Variants in MYO16 observed in about 807,000 individuals in gnomAD.
MYO16 encodes unconventional myosin-XVI.
Under a neutral mutation model 205.3 loss-of-function variants are expected in MYO16, and 94 were observed. That is an observed-to-expected ratio of 0.46 (90% CI 0.39 to 0.54). The LOEUF (loss-of-function observed/expected upper bound fraction) is 0.54. Ranked by LOEUF, MYO16 falls within the 20% of genes least tolerant of loss-of-function variation. The pLI, the probability that MYO16 is intolerant of heterozygous loss-of-function variation, is 0.00. For missense variants in MYO16, 2,315 were observed against 2,387.5 expected (o/e 0.97, Z 0.63); for synonymous variants, 988 against 954.0 (o/e 1.04, Z -0.66).
intron 28 of MYO16, among the ~76,000 whole-genome samples, chr13:109,102,695 T>C (rs1459645455): frequency 6.6e-6 from 1 of 152,078 alleles, no homozygotes; most frequent in South Asian, 2.1e-4. Context: ...AGGTCAAATA[T>C]GAGAGGAGAC....
intron 2 of MYO16, among the ~76,000 whole-genome samples, chr13:108,671,980 G>C (rs551427802): frequency 9.2e-5 from 14 of 152,178 alleles, no homozygotes; most frequent in African/African-American, 1.9e-4. Context: ...CTGTAATAGG[G>C]CATATTTATT....
chr13:108,828,794 A>T (rs1436680463), intron 9 of MYO16, among the ~76,000 whole-genome samples: 1 of 152,172 alleles, frequency 6.6e-6, no homozygotes, highest in Non-Finnish European at 1.5e-5. Flanking sequence ...AACTGTGGAC[A>T]TTGAAGCTCC....
the MYO16 span, among the ~76,000 whole-genome samples, chr13:108,520,508 C>T: frequency 1.3e-5 from 2 of 152,156 alleles, no homozygotes; most frequent in Non-Finnish European, 2.9e-5. Flanking sequence ...CAAATAACTA[C>T]TCATTTGGGG....
At chr13:109,108,940 G>A (rs530585561) in intron 28 of MYO16, among the ~76,000 whole-genome samples, 34 of 152,308 alleles carry the variant, frequency 2.2e-4, no homozygotes, top group African/African-American at 8.2e-4. Flanking sequence ...ACGGGAGACA[G>A]GGATGCTACA....
rs59465499 is a variant in MYO16 at position 109,154,911 on chromosome 13, GAAAAAAAAAA to G, written c.5165-9973_5165-9964del. On this transcript the variant is annotated intron_variant, in intron 32 of 34. Transcript: ENST00000457511. Reference sequence around the variant, plus strand: ...AGGTATTGCATACTCGGCTAATTATGAAAAAAAAAAAAAAAAAAAAAAAAAAGCTACCCAA... The same window carrying G: ...AGGTATTGCATACTCGGCTAATTATGAAAAAAAAAAAAAAAAGCTACCCAA... Among the ~76,000 whole-genome samples, 18 of 62,684 alleles carry G rather than the reference GAAAAAAAAAA, an allele frequency of 2.9e-4. 1 individual carries two copies. The highest frequency in any genetic ancestry group is 7.6e-4 in the South Asian group (1 of 1,320). The allele number at this position is 62,684 out of a possible 152,430, so 41.1% of individuals were successfully genotyped here.
At chr13:108,610,364 T>A (rs1221875877) in intron 1 of MYO16, among the ~76,000 whole-genome samples, 1 of 152,196 alleles carries the variant, frequency 6.6e-6, no homozygotes, top group Non-Finnish European at 1.5e-5. Context: ...GGCTCTTTTT[T>A]AATGATTACG....
chr13:109,085,977 G>T (rs1403307910), intron 27 of MYO16, among the ~76,000 whole-genome samples: 1 of 152,094 alleles, frequency 6.6e-6, no homozygotes, highest in African/African-American at 2.4e-5. Context: ...AAAGTGGGGT[G>T]CCCAAAACTC....
chr13:108,548,365 G>A, the MYO16 span, among the ~76,000 whole-genome samples: 277 of 151,590 alleles, frequency 1.8e-3, no homozygotes, highest in African/African-American at 6.6e-3. Context: ...CGATGATGAT[G>A]GTGGTAGCAG....
intron 6 of MYO16, among the ~76,000 whole-genome samples, chr13:108,805,088 C>T (rs1443275639): frequency 6.6e-6 from 1 of 152,140 alleles, no homozygotes; most frequent in Non-Finnish European, 1.5e-5. Context: ...CACAGAGTAA[C>T]TGCCAATCAT....
At chr13:108,751,309 T>A (rs1015902750) in intron 4 of MYO16, among the ~76,000 whole-genome samples, 3 of 148,056 alleles carry the variant, frequency 2.0e-5, no homozygotes, top group African/African-American at 4.9e-5. Context: ...TGGGAGGTGA[T>A]TTTTTTTTAA....
chr13:108,510,478 T>TTTC, the MYO16 span, among the ~76,000 whole-genome samples: 2 of 133,472 alleles, frequency 1.5e-5, no homozygotes, highest in African/African-American at 5.8e-5. Flanking sequence ...TTTTTTTTTT[T>TTTC]TTTTTTTATT....
rs527255710 is a variant in MYO16 at position 109,198,404 on chromosome 13, C to A, written c.5416-8205C>A. Reference sequence around the variant, plus strand: ...TCTCTTCATACTCTTTGTTATCTTACCCCTAAAATTCAAAAAAGCTGTAAG... The same window carrying A: ...TCTCTTCATACTCTTTGTTATCTTAACCCTAAAATTCAAAAAAGCTGTAAG... On this transcript the variant is annotated intron_variant, in intron 34 of 34. Transcript: ENST00000457511. Among the ~76,000 whole-genome samples, 178 of 151,870 alleles carry A rather than the reference C, an allele frequency of 1.2e-3. 1 individual carries two copies. The highest frequency in any genetic ancestry group is 1.9e-3 in the Admixed American group (29 of 15,250).
chr13:109,037,866 A>G (rs1886764839), intron 23 of MYO16, among the ~76,000 whole-genome samples: 1 of 152,194 alleles, frequency 6.6e-6, no homozygotes, highest in Non-Finnish European at 1.5e-5. Flanking sequence ...TTTTGACAAC[A>G]GCTTGATGCC....
the MYO16 span, among the ~76,000 whole-genome samples, chr13:108,563,040 C>T: frequency 1.3e-5 from 2 of 152,182 alleles, no homozygotes; most frequent in South Asian, 2.1e-4. Context: ...ACCAATCTGA[C>T]ATTGCTGTGA....
intron 23 of MYO16, among the ~76,000 whole-genome samples, chr13:109,045,630 G>T (rs1455984738): frequency 6.6e-6 from 1 of 152,126 alleles, no homozygotes; most frequent in Non-Finnish European, 1.5e-5. Context: ...TTTTATTTAG[G>T]ACCTTGTAAC....
intron 15 of MYO16, among the ~76,000 whole-genome samples, chr13:108,908,725 G>A (rs1881110436): frequency 6.6e-6 from 1 of 151,996 alleles, no homozygotes; most frequent in African/African-American, 2.4e-5. Context: ...TGTAATCCTG[G>A]CACTTTGGGA....
chr13:109,041,886 G>C (rs1886895313), intron 23 of MYO16, among the ~76,000 whole-genome samples: 1 of 148,360 alleles, frequency 6.7e-6, no homozygotes, highest in Non-Finnish European at 1.5e-5. Context: ...TCCGAGACTA[G>C]AGTGTCACTC....
upstream of MYO16, among the ~76,000 whole-genome samples, chr13:108,625,996 C>G (rs1879720622): frequency 1.3e-5 from 2 of 152,148 alleles, no homozygotes; most frequent in Admixed American, 1.3e-4. Flanking sequence ...CTTTTTGGAG[C>G]TGTGTCTCAT....
At chr13:108,556,172 C>A in the MYO16 span, among the ~76,000 whole-genome samples, 6 of 151,974 alleles carry the variant, frequency 3.9e-5, 1 homozygote, top group African/African-American at 1.4e-4. Flanking sequence ...GTAAGACTGC[C>A]GGATCATATG....
Sources: gnomAD v4.1 joint callset for allele counts (sites outside exome capture counted in the v4.1 genomes callset) on GRCh38, gnomAD v4.1.1 for gene constraint, MANE v1.5 for transcripts, NCBI Gene and HGNC (gene_info 2026-07-23, HGNC 2026-07-21) for gene names.